Variants in SOCS5 observed in about 807,000 individuals in gnomAD.
The protein encoded by SOCS5 is suppressor of cytokine signaling 5.
Under a neutral mutation model 42.8 loss-of-function variants are expected in SOCS5, and 32 were observed. That is an observed-to-expected ratio of 0.75 (90% CI 0.56 to 1.01). The LOEUF is 1.01. Ranked by LOEUF, SOCS5 falls within the 50% of genes least tolerant of loss-of-function variation. SOCS5 has a pLI of 0.00. For synonymous variants in SOCS5, 283 were observed against 229.6 expected (o/e 1.23, Z -2.10); for missense variants, 627 against 653.0 (o/e 0.96, Z 0.43).
intron 1 of SOCS5, among the ~76,000 whole-genome samples, chr2:46,730,443 A>G (rs1473804888): frequency 6.6e-6 from 1 of 152,156 alleles, no homozygotes. Context: ...TCTACTAAAA[A>G]TACAAAATTA....
chr2:46,756,681 A>C (rs1444713822), intron 1 of SOCS5, among the ~76,000 whole-genome samples: 1 of 152,234 alleles, frequency 6.6e-6, no homozygotes, highest in Non-Finnish European at 1.5e-5. Context: ...AATAAAAACT[A>C]ATTTTAAAAT....
At position 46,758,634 on chromosome 2, in the gene SOCS5, A is replaced by C. The variant is rs1351491940; in HGVS notation, c.104A>C (p.Asn35Thr). ...SRSENVDMNS[N>T]RCLSVKEKNI... The stretch of plus-strand genomic sequence containing the variant: ...AGTGAAAATGTGGACATGAACTCCA[A>C]CAGATGTTTGTCTGTCAAAGAGAAA... The change falls in exon 2 of 2, where the codon AAC (asparagine) becomes ACC (threonine). Residue 35 changes from asparagine to threonine, a missense_variant. This residue lies in a region of SOCS5 where 278 missense variants were observed against 246.3 expected (regional missense o/e 1.13). Transcript: ENST00000394861. 6.2e-7 allele frequency: 1 copy of C among 1,613,960 alleles called. No homozygotes were observed. The highest frequency in any genetic ancestry group is 8.5e-7 in the Non-Finnish European group (1 of 1,179,920).
intron 1 of SOCS5, among the ~76,000 whole-genome samples, chr2:46,709,320 A>T (rs1028152897): frequency 1.3e-5 from 2 of 152,204 alleles, no homozygotes; most frequent in Admixed American, 1.3e-4. Flanking sequence ...TCTCCCCCAA[A>T]GGTTCTGCTT....
intron 1 of SOCS5, among the ~76,000 whole-genome samples, chr2:46,722,333 GA>G (rs5830921): frequency 0.62 from 94,505 of 151,834 alleles, 30,358 homozygotes; most frequent in African/African-American, 0.77. Flanking sequence ...AGTCAAGGGG[GA>G]AAAAAATCTG....
At chr2:46,735,688 A>T (rs998171534) in intron 1 of SOCS5, among the ~76,000 whole-genome samples, 2 of 152,222 alleles carry the variant, frequency 1.3e-5, no homozygotes, top group Non-Finnish European at 1.5e-5. Context: ...GAATGAATGG[A>T]TAAAGACATT....
At chr2:46,751,956 A>T (rs1320295670) in intron 1 of SOCS5, among the ~76,000 whole-genome samples, 1 of 152,206 alleles carries the variant, frequency 6.6e-6, no homozygotes, top group Non-Finnish European at 1.5e-5. Context: ...AGTATCACTG[A>T]CCATAAATAA....
intron 1 of SOCS5, among the ~76,000 whole-genome samples, chr2:46,740,328 A>G (rs527726302): frequency 6.6e-6 from 1 of 152,216 alleles, no homozygotes; most frequent in African/African-American, 2.4e-5. Context: ...GAGCTTAACC[A>G]ATCAGGTTCT....
intron 1 of SOCS5, among the ~76,000 whole-genome samples, chr2:46,712,336 C>CTTTTTTTTTTTTTT (rs70940636): frequency 1.5e-5 from 1 of 64,972 alleles, no homozygotes; most frequent in Non-Finnish European, 2.6e-5. Flanking sequence ...GGATGTTTAG[C>CTTTTTTTTTTTTTT]TTTTTTTTTT....
chr2:46,736,285 C>G (rs1295570094), intron 1 of SOCS5, among the ~76,000 whole-genome samples: 1 of 152,190 alleles, frequency 6.6e-6, no homozygotes, highest in Non-Finnish European at 1.5e-5. Context: ...CCAAGCGATC[C>G]TCCTGCCTTG....
At chr2:46,734,380 C>G (rs987367699) in intron 1 of SOCS5, among the ~76,000 whole-genome samples, 9 of 152,144 alleles carry the variant, frequency 5.9e-5, no homozygotes, top group Admixed American at 3.3e-4. Context: ...CTATCACTTA[C>G]TAACCTATGA....
intron 1 of SOCS5, among the ~76,000 whole-genome samples, chr2:46,703,095 C>T (rs1476165379): frequency 6.6e-6 from 1 of 152,166 alleles, no homozygotes; most frequent in African/African-American, 2.4e-5. Context: ...CAATGTATCT[C>T]ACATAATGTC....
In SOCS5 at chr2:46,758,557, T is replaced by C. The variant is rs370966755; in HGVS notation, c.27T>C (p.Asn9=). The C allele has an allele frequency of 2.5e-6, 4 of 1,592,206 alleles. No individual in the cohort carries two copies. In the African/African-American group the frequency reaches 5.4e-5, roughly 22 times the overall value. Residue 9 remains asparagine, a synonymous_variant, in exon 2 of 2, where the codon AAT becomes AAC. Transcript: ENST00000394861. ...TGGATAAAGTGGGAAAAATGTGGAA[T>C]AACTTCAAATACAGGTGTCAGAATC... is the stretch of plus-strand genomic sequence containing the variant. The part of the protein sequence containing the change: MDKVGKMW[N]NFKYRCQNLF...
intron 1 of SOCS5, among the ~76,000 whole-genome samples, chr2:46,730,920 G>C (rs966218792): frequency 2.6e-5 from 4 of 152,096 alleles, no homozygotes; most frequent in East Asian, 1.9e-4. Context: ...GTTTAAGTCC[G>C]AGCTCTCCTT....
chr2:46,727,644 T>C (rs1364763867), intron 1 of SOCS5, among the ~76,000 whole-genome samples: 2 of 152,152 alleles, frequency 1.3e-5, no homozygotes. Flanking sequence ...TCTGATACTG[T>C]TCCAGTCAGT....
intron 1 of SOCS5, among the ~76,000 whole-genome samples, chr2:46,722,329 G>A (rs1672902732): frequency 1.1e-5 from 1 of 89,872 alleles, no homozygotes; most frequent in Admixed American, 1.2e-4. Context: ...TGCCAGTCAA[G>A]GGGGAAAAAA....
At chr2:46,742,670 ACTT>A (rs1235619885) in intron 1 of SOCS5, among the ~76,000 whole-genome samples, 2 of 151,470 alleles carry the variant, frequency 1.3e-5, no homozygotes, top group South Asian at 2.1e-4. Flanking sequence ...TATGTTTACT[ACTT>A]CTTTTTTTTT....
Position 46,760,090 on chromosome 2 carries a change from A to G in SOCS5, c.1560A>G (p.Lys520=), listed in dbSNP as rs1186642443. The G allele has an allele frequency of 1.9e-6, 3 of 1,613,874 alleles. No homozygotes were observed. The highest frequency in any genetic ancestry group is 1.6e-4 in the Middle Eastern group (1 of 6,082). The change falls in exon 2 of 2, where the codon AAA becomes AAG. Residue 520 remains lysine, a synonymous_variant. Coordinates refer to ENST00000394861, the MANE Select transcript of SOCS5 (RefSeq NM_144949.3). ...LQDFLKEYHY[K]QKVRVRWLER... is the part of the protein sequence containing the mutation. ...ATTTTTTAAAAGAGTATCATTATAA[A>G]CAAAAAGTTAGAGTTCGCTGGTTGG...
intron 1 of SOCS5, among the ~76,000 whole-genome samples, chr2:46,709,394 G>A (rs1222468460): frequency 2.0e-5 from 3 of 152,182 alleles, no homozygotes; most frequent in Non-Finnish European, 2.9e-5. Context: ...TAAAATAAAT[G>A]TGTCTGTTAG....
At position 46,713,138 on chromosome 2, in the gene SOCS5, T is replaced by C. The variant is rs41489247; in HGVS notation, c.-13+13689T>C. On this transcript the variant is annotated intron_variant, in intron 1 of 1. Transcript: ENST00000394861. ...TGGGAGACTGAGGTGGAAGGATCAC[T>C]TGAGCCCAGAAGTTTGAGACCAGCT... is the stretch of plus-strand genomic sequence containing the variant. Among the ~76,000 whole-genome samples, 793 of 152,344 alleles carry C rather than the reference T, an allele frequency of 5.2e-3. 6 individuals carry two copies. The highest frequency in any genetic ancestry group is 1.0e-2 in the Admixed American group (153 of 15,306).
Sources: allele counts gnomAD v4.1 joint callset (sites outside exome capture counted in the v4.1 genomes callset), GRCh38; gene constraint gnomAD v4.1.1; regional missense constraint gnomAD v4.1.1; transcripts MANE v1.5; gene names NCBI Gene and HGNC (gene_info 2026-07-23, HGNC 2026-07-21).